Variants in SMARCA2 observed in about 807,000 individuals in gnomAD.
SMARCA2 encodes SWI/SNF related BAF chromatin remodeling complex subunit ATPase 2.
A neutral mutation model predicts 199.8 loss-of-function variants in SMARCA2; 61 were observed. The ratio of observed to expected loss-of-function variants is 0.31; its 90% CI spans 0.25 to 0.38. SMARCA2 has a LOEUF of 0.38. Among genes scored for constraint, SMARCA2 ranks in the 10% least tolerant of loss-of-function variants. The pLI, the probability that SMARCA2 is intolerant of heterozygous loss-of-function variation, is 1.00. For missense variants in SMARCA2, 1,344 were observed against 2,012.2 expected (o/e 0.67, Z 6.35); for synonymous variants, 935 against 732.0 (o/e 1.28, Z -4.48).
chr9:2,037,779 A>G (rs1477335576), intron 3 of SMARCA2, among the ~76,000 whole-genome samples: 2 of 152,230 alleles, frequency 1.3e-5, no homozygotes, highest in East Asian at 3.8e-4. Flanking sequence ...CTATGTATGT[A>G]ATGCCATATT....
At chr9:2,051,412 T>G (rs936036498) in intron 5 of SMARCA2, among the ~76,000 whole-genome samples, 9 of 152,104 alleles carry the variant, frequency 5.9e-5, no homozygotes, top group Non-Finnish European at 1.2e-4. Flanking sequence ...ACTCTCTCTC[T>G]CCAGTGCCTA....
chr9:2,082,132 T>C (rs2130465406), intron 15 of SMARCA2, 137 bp downstream of exon 15: 1 of 751,470 alleles, frequency 1.3e-6, no homozygotes, highest in African/African-American at 1.8e-5. Flanking sequence ...GAGCATGTAA[T>C]CTGGATTTAG....
intron 32 of SMARCA2, among the ~76,000 whole-genome samples, chr9:2,187,009 C>G (rs1827506700): frequency 6.6e-6 from 1 of 152,150 alleles, no homozygotes; most frequent in Non-Finnish European, 1.5e-5. Context: ...GTATTTCTGG[C>G]AAATTCCCAG....
At chr9:2,024,405 G>A (rs1434710473) in intron 1 of SMARCA2, among the ~76,000 whole-genome samples, 3 of 152,008 alleles carry the variant, frequency 2.0e-5, no homozygotes, top group Admixed American at 6.6e-5. Context: ...TCTGATTTCC[G>A]TATCAGACTT....
chr9:2,132,411 C>G (rs1347255278), intron 27 of SMARCA2, among the ~76,000 whole-genome samples: 1 of 152,148 alleles, frequency 6.6e-6, no homozygotes, highest in Non-Finnish European at 1.5e-5. Context: ...CGTAGATGTA[C>G]TTTTCCCCTA....
intron 24 of SMARCA2, among the ~76,000 whole-genome samples, chr9:2,111,174 C>A (rs1822981120): frequency 6.6e-6 from 1 of 151,522 alleles, no homozygotes; most frequent in African/African-American, 2.4e-5. Flanking sequence ...CATACTGGAG[C>A]AAATGTTGAA....
chr9:2,031,455 C>T (rs1819067246), intron 2 of SMARCA2, among the ~76,000 whole-genome samples: 1 of 152,092 alleles, frequency 6.6e-6, no homozygotes, highest in African/African-American at 2.4e-5. Flanking sequence ...GTCTCACCTT[C>T]AAAATGAAAG....
Position 2,119,364 on chromosome 9 carries a change from A to G in SMARCA2, c.3685-94A>G, listed in dbSNP as rs113549335. 57 of 773,696 alleles carry G rather than the reference A, an allele frequency of 7.4e-5. No homozygotes were observed. In the African/African-American group the frequency reaches 8.4e-4, roughly 11 times the overall value. 47.9% of individuals were successfully genotyped at this position (773,696 alleles called of 1,614,324 possible). ...TTCCCTTTTCTTTCTGCCTTGAGAA[A>G]TGGGACCCCTCTGGTCTGGAGGACA... On this transcript the variant is annotated intron_variant, in intron 25 of 33. Transcript: ENST00000349721. The surrounding 1 kb of genome is among the most constrained non-coding windows in gnomAD (Gnocchi z 4.6).
rs1384106652 is a variant in SMARCA2, at chr9:2,086,031, G to T, written c.2527-798G>T. ...GGACGTTTTACGCAATCGTCATGTT[G>T]GGGAAGTATGCTGTATTTAATTCTG... On this transcript the variant is annotated intron_variant, in intron 17 of 33. Transcript: ENST00000349721. The surrounding 1 kb of genome is among the most constrained non-coding windows in gnomAD (Gnocchi z 4.3). 1 of 152,260 alleles carries T rather than the reference G, an allele frequency of 6.6e-6. No individual in the cohort carries two copies. Among genetic ancestry groups the T allele is most frequent in the Non-Finnish European group, 1.5e-5 (1 of 68,082 alleles). 9.4% of individuals were successfully genotyped at this position (152,260 alleles called of 1,614,324 possible).
At position 2,136,624 on chromosome 9, in the gene SMARCA2, C is replaced by T. The variant is rs185501963; in HGVS notation, c.3981+12687C>T. On this transcript the variant is annotated intron_variant, in intron 27 of 33. Transcript: ENST00000349721. ...CACACTGTGATTGGCCTGGGGAAAG[C>T]AGTATTGTTTGGATTCCTTACAGTC... is the stretch of plus-strand genomic sequence containing the variant. Among the ~76,000 whole-genome samples the T allele has an allele frequency of 3.3e-5, 5 of 152,230 alleles. No individual in the cohort carries two copies. In the East Asian group the frequency reaches 9.6e-4, roughly 29 times the overall value.
At chr9:2,082,043 G>C (rs754134731) in intron 15 of SMARCA2, 48 bp downstream of exon 15, 10 of 1,496,626 alleles carry the variant, frequency 6.7e-6, no homozygotes, top group Non-Finnish European at 8.3e-6. Flanking sequence ...ATGTTGTAGA[G>C]TGCCCGATTA....
At chr9:2,025,507 G>A (rs1456993910) in intron 1 of SMARCA2, among the ~76,000 whole-genome samples, 2 of 152,154 alleles carry the variant, frequency 1.3e-5, no homozygotes, top group Non-Finnish European at 2.9e-5. Context: ...GCCCTGTGAA[G>A]TCCATCTGGG....
At chr9:2,112,411 A>C (rs1823044540) in intron 24 of SMARCA2, among the ~76,000 whole-genome samples, 1 of 152,200 alleles carries the variant, frequency 6.6e-6, no homozygotes, top group Non-Finnish European at 1.5e-5. Flanking sequence ...CTGTTCCAGG[A>C]AATGCTAATT....
chr9:2,051,747 G>A (rs1448292457), intron 5 of SMARCA2, among the ~76,000 whole-genome samples: 2 of 152,066 alleles, frequency 1.3e-5, no homozygotes, highest in African/African-American at 2.4e-5. Context: ...ATTGGCCATG[G>A]GCTCACGCCA....
rs1297159483 is a variant in SMARCA2, at chr9:2,056,581, T to G, written c.1174-91T>G. The G allele has an allele frequency of 6.8e-6, 8 of 1,174,864 alleles. No individual in the cohort carries two copies. The allele number at this position is 1,174,864 out of a possible 1,614,324, so 72.8% of individuals were successfully genotyped here. ...AGCTTGTGGAGATTCCCCGCCCCAC[T>G]CTATTCCATTAAATGCAACCGCGAG... On this transcript the variant is annotated intron_variant, in intron 6 of 33. Coordinates refer to ENST00000349721, the MANE Select transcript of SMARCA2 (RefSeq NM_003070.5). This position sits in a 1 kb window ranked among gnomAD's most constrained non-coding sequence, Gnocchi z 4.0.
chr9:2,024,863 G>A (rs1441631538), intron 1 of SMARCA2, among the ~76,000 whole-genome samples: 1 of 152,190 alleles, frequency 6.6e-6, no homozygotes, highest in Non-Finnish European at 1.5e-5. Flanking sequence ...TTTCAATGGC[G>A]TTGTGGCAAA....
chr9:2,129,832 T>C (rs10964908), intron 27 of SMARCA2, among the ~76,000 whole-genome samples: 47,913 of 151,994 alleles, frequency 0.32, 12,319 homozygotes, highest in African/African-American at 0.7. Flanking sequence ...AAACTCCATG[T>C]CAGGAACCCA....
chr9:2,098,330 T>C (rs1453342928), intron 21 of SMARCA2, among the ~76,000 whole-genome samples: 1 of 152,240 alleles, frequency 6.6e-6, no homozygotes, highest in Non-Finnish European at 1.5e-5. Context: ...TAAAACTTAA[T>C]CACAGTATAA....
intron 1 of SMARCA2, among the ~76,000 whole-genome samples, chr9:2,024,518 G>C (rs551188876): frequency 6.6e-6 from 1 of 152,258 alleles, no homozygotes; most frequent in African/African-American, 2.4e-5. Flanking sequence ...GACCTTTTCA[G>C]TTGATGACAT....
Sources: allele counts gnomAD v4.1 joint callset (sites outside exome capture counted in the v4.1 genomes callset), GRCh38; gene constraint gnomAD v4.1.1; non-coding constraint Gnocchi (gnomAD v3.1); transcripts MANE v1.5; gene names NCBI Gene and HGNC (gene_info 2026-07-23, HGNC 2026-07-21).